The following ARHGAP8 variants were observed in gnomAD, a reference collection of about 807,000 sequenced individuals.
ARHGAP8 encodes the protein Rho GTPase activating protein 8.
A neutral mutation model predicts 46.1 loss-of-function variants in ARHGAP8; 62 were observed. The ratio of observed to expected loss-of-function variants is 1.34; its 90% CI spans 1.10 to 1.66. ARHGAP8 has a LOEUF of 1.66. ARHGAP8 is among the 40% of genes most tolerant of loss of function. The pLI is 0.00. For missense variants in ARHGAP8, 923 were observed against 568.4 expected (o/e 1.62, Z -6.34); for synonymous variants, 375 against 243.1 (o/e 1.54, Z -5.05).
chr22:44,788,330 G>A (rs1927427273), intron 2 of ARHGAP8, among the ~76,000 whole-genome samples: 1 of 152,212 alleles, frequency 6.6e-6, no homozygotes, highest in East Asian at 1.9e-4. Context: ...TGTTGGTCAG[G>A]CTGGTCTCGA....
rs373419119 is a variant in ARHGAP8 at position 44,845,373 on chromosome 22, G to A, written c.670+31G>A. 153 of 1,613,424 alleles carry A rather than the reference G, an allele frequency of 9.5e-5. 1 individual carries two copies. The highest frequency in any genetic ancestry group is 5.1e-4 in the Middle Eastern group (3 of 5,896). On this transcript the variant is annotated intron_variant, in intron 8 of 11. Transcript: ENST00000356099. ...ACGGGGCCGGCTCCAGCTGGATGAC[G>A]TGAGGGCTGCTGGGTGCACCTCTCT... is the stretch of plus-strand genomic sequence containing the variant.
At chr22:44,846,025 C>T (rs905729512) in intron 8 of ARHGAP8, among the ~76,000 whole-genome samples, 28 of 152,124 alleles carry the variant, frequency 1.8e-4, no homozygotes, top group African/African-American at 6.8e-4. Context: ...CCCCCCATCC[C>T]CACCACCAAG....
rs367923593 is a variant in ARHGAP8, at chr22:44,862,553, C to G, written c.1260C>G (p.Thr420=). The part of the protein sequence containing the change: ...RTQATGLTKP[T]LPPSPLMAAR... ...AAGCCACGGGCCTCACCAAGCCTAC[C>G]CTACCTCCGAGTCCCCTGATGGCAG... Residue 420 remains threonine, a synonymous_variant, in exon 12 of 12, where the codon ACC becomes ACG. Coordinates refer to ENST00000356099, the MANE Select transcript of ARHGAP8 (RefSeq NM_181335.3). 3.0e-5 allele frequency: 48 copies of G among 1,601,018 alleles called. No homozygotes were observed. The highest frequency in any genetic ancestry group is 3.7e-5 in the Non-Finnish European group (43 of 1,170,022).
Position 44,774,293 on chromosome 22 carries a change from C to T in ARHGAP8, c.-71-12164C>T, listed in dbSNP as rs146845956. The stretch of plus-strand genomic sequence containing the variant: ...GGAAGAACGTTTTAGCAGTCATTTC[C>T]GAGCCAAGATGTAGTGAACTTCCTG... On this transcript the variant is annotated intron_variant, in intron 1 of 11. Transcript: ENST00000356099. Among the ~76,000 whole-genome samples the T allele has an allele frequency of 1.1e-3, 163 of 152,246 alleles. 1 individual carries two copies. Among genetic ancestry groups the T allele is most frequent in the African/African-American group, 3.6e-3 (148 of 41,556 alleles).
chr22:44,771,631 T>C (rs1926012367), intron 1 of ARHGAP8, among the ~76,000 whole-genome samples: 1 of 152,012 alleles, frequency 6.6e-6, no homozygotes, highest in Non-Finnish European at 1.5e-5. Flanking sequence ...CTCAGCTCGC[T>C]GCAACCTCTG....
intron 1 of ARHGAP8, among the ~76,000 whole-genome samples, chr22:44,784,264 C>T (rs1927053339): frequency 6.6e-6 from 1 of 151,956 alleles, no homozygotes; most frequent in East Asian, 1.9e-4. Context: ...ATTAGCTGAG[C>T]GTGGTGGTGC....
intron 6 of ARHGAP8, among the ~76,000 whole-genome samples, chr22:44,824,545 A>G (rs998496556): frequency 1.3e-5 from 2 of 152,110 alleles, no homozygotes; most frequent in African/African-American, 4.8e-5. Context: ...TGCCCGGCAC[A>G]TAGTAGGGCT....
At chr22:44,850,508 A>G (rs1024175148) in intron 10 of ARHGAP8, 1 of 152,244 alleles carries the variant, frequency 6.6e-6, no homozygotes, top group Non-Finnish European at 1.5e-5. Context: ...GAAGCCTCCC[A>G]ACTTCATTAG....
chr22:44,763,797 CTTTTCT>C (rs1925330937), intron 1 of ARHGAP8, among the ~76,000 whole-genome samples: 1 of 117,218 alleles, frequency 8.5e-6, no homozygotes, highest in African/African-American at 3.1e-5. Flanking sequence ...TTTTCTTTTT[CTTTTCT>C]TTTTTTTTTT....
chr22:44,852,051 C>T (rs1481779918), intron 10 of ARHGAP8, among the ~76,000 whole-genome samples: 4 of 151,600 alleles, frequency 2.6e-5, no homozygotes, highest in South Asian at 2.1e-4. Flanking sequence ...ATTAGCTGGG[C>T]GTGGTGGTGG....
intron 3 of ARHGAP8, among the ~76,000 whole-genome samples, chr22:44,804,304 C>T (rs1480617205): frequency 1.3e-5 from 2 of 152,100 alleles, no homozygotes; most frequent in South Asian, 2.1e-4. Context: ...TGAAACTCCC[C>T]GGCCCAGGAG....
At chr22:44,788,457 C>T (rs1037913328) in intron 2 of ARHGAP8, among the ~76,000 whole-genome samples, 5 of 151,746 alleles carry the variant, frequency 3.3e-5, no homozygotes, top group Non-Finnish European at 5.9e-5. Flanking sequence ...CACTCTGTTG[C>T]GGAGTGCAGT....
chr22:44,861,582 C>T (rs569759820), intron 11 of ARHGAP8, among the ~76,000 whole-genome samples: 108 of 152,304 alleles, frequency 7.1e-4, no homozygotes, highest in Non-Finnish European at 9.3e-4. Context: ...TGGTACTCAC[C>T]GCCTCATGAC....
At chr22:44,771,713 C>A (rs926244692) in intron 1 of ARHGAP8, among the ~76,000 whole-genome samples, 1 of 151,318 alleles carries the variant, frequency 6.6e-6, no homozygotes, top group African/African-American at 2.4e-5. Context: ...TGCCAACACG[C>A]CTGGCTAATT....
chr22:44,763,145 C>CT (rs1171034949), intron 1 of ARHGAP8, among the ~76,000 whole-genome samples: 2 of 152,142 alleles, frequency 1.3e-5, no homozygotes, highest in African/African-American at 4.8e-5. Flanking sequence ...AACGACTTTC[C>CT]TTTTTTCAGT....
chr22:44,767,204 C>G (rs778293255), intron 1 of ARHGAP8, among the ~76,000 whole-genome samples: 1 of 152,106 alleles, frequency 6.6e-6, no homozygotes, highest in Non-Finnish European at 1.5e-5. Context: ...GGTTTCCTTC[C>G]TTCTCTGCTC....
At chr22:44,861,262 T>C (rs1165287558) in intron 11 of ARHGAP8, among the ~76,000 whole-genome samples, 3 of 152,188 alleles carry the variant, frequency 2.0e-5, no homozygotes, top group Non-Finnish European at 4.4e-5. Context: ...TGTGAGCCAC[T>C]GCACCCAGCC....
chr22:44,800,594 G>GC, intron 2 of ARHGAP8, among the ~76,000 whole-genome samples: 1 of 71,944 alleles, frequency 1.4e-5, no homozygotes, highest in South Asian at 6.3e-4. Context: ...TGTGTGGGGG[G>GC]CGCCCCTCCC....
chr22:44,767,984 CTTT>C (rs1167255172), intron 1 of ARHGAP8, among the ~76,000 whole-genome samples: 20 of 47,214 alleles, frequency 4.2e-4, no homozygotes, highest in Admixed American at 1.1e-3. Flanking sequence ...CGCATGATGT[CTTT>C]TTTTTTTTTT....
Sources: gnomAD v4.1 joint callset for allele counts (sites outside exome capture counted in the v4.1 genomes callset) on GRCh38, gnomAD v4.1.1 for gene constraint, MANE v1.5 for transcripts, NCBI Gene and HGNC (gene_info 2026-07-23, HGNC 2026-07-21) for gene names.